The following MAF variants were observed in gnomAD, a reference collection of about 807,000 sequenced individuals.
MAF encodes transcription factor Maf.
A neutral mutation model predicts 22.0 loss-of-function variants in MAF; 10 were observed. That is an observed-to-expected ratio of 0.45 (90% CI 0.28 to 0.77). MAF has a LOEUF of 0.77. MAF is among the 30% of genes least tolerant of loss of function. The probability of loss-of-function intolerance (pLI) is 0.12; values close to 1 mark genes in which losing one functional copy is unlikely to be tolerated. For synonymous variants in MAF, 337 were observed against 255.8 expected (o/e 1.32, Z -3.03); for missense variants, 544 against 548.4 (o/e 0.99, Z 0.08).
chr16:79,290,838 C>G, the MAF span, among the ~76,000 whole-genome samples: 1 of 152,046 alleles, frequency 6.6e-6, no homozygotes, highest in African/African-American at 2.4e-5. Context: ...GAGGCTGGTC[C>G]TCCATGAGAA....
the MAF span, among the ~76,000 whole-genome samples, chr16:79,349,005 A>G: frequency 5.9e-5 from 9 of 152,114 alleles, no homozygotes; most frequent in Non-Finnish European, 8.8e-5. Flanking sequence ...TGGTCCCTCC[A>G]TTGCTCTTCC....
chr16:79,216,891 C>T, the MAF span, among the ~76,000 whole-genome samples: 1 of 151,794 alleles, frequency 6.6e-6, no homozygotes, highest in African/African-American at 2.4e-5. Flanking sequence ...CTCACTGCCA[C>T]AGCCACCTCC....
At chr16:79,369,346 T>C in the MAF span, among the ~76,000 whole-genome samples, 2 of 152,206 alleles carry the variant, frequency 1.3e-5, no homozygotes, top group South Asian at 2.1e-4. Context: ...CCAGTGATTC[T>C]TGGGAGTCAG....
the MAF span, among the ~76,000 whole-genome samples, chr16:79,259,673 G>C: frequency 6.6e-6 from 1 of 152,170 alleles, no homozygotes; most frequent in Non-Finnish European, 1.5e-5. Flanking sequence ...CTTCCCCAGA[G>C]AAGAAAGTGA....
chr16:79,562,787 G>T, the MAF span, among the ~76,000 whole-genome samples: 1 of 152,186 alleles, frequency 6.6e-6, no homozygotes, highest in Non-Finnish European at 1.5e-5. Flanking sequence ...AGTGGAAGAT[G>T]AAGAGGAGAC....
the MAF span, among the ~76,000 whole-genome samples, chr16:79,564,486 C>G: frequency 6.6e-6 from 1 of 152,188 alleles, no homozygotes; most frequent in Non-Finnish European, 1.5e-5. Flanking sequence ...AATAATACAT[C>G]TTTGAGCCTG....
chr16:79,362,652 G>A, the MAF span, among the ~76,000 whole-genome samples: 1 of 152,218 alleles, frequency 6.6e-6, no homozygotes. Context: ...AGACGGGGTA[G>A]TCAAGTTAGA....
rs1913818927 is a variant in MAF at position 79,599,241 on chromosome 16, G to C, written c.662C>G (p.Pro221Arg). The change falls in exon 1 of 2, where the codon CCG (proline) becomes CGG (arginine). Residue 221 changes from proline to arginine, a missense_variant. Around this residue, in one of 5 missense-constraint regions of MAF, gnomAD observed 342 missense variants for 315.5 expected, o/e 1.08. Transcript: ENST00000326043. ...GCCGCCGCCGCCCCCAGCGCTGGCC[G>C]GGCCACCGCCGCCCGCGCCCCCAGC... is the stretch of plus-strand genomic sequence containing the variant. ...GGAGGAGGGGPASAGGGGGGG... is the reference protein window; with the variant it reads ...GGAGGAGGGGRASAGGGGGGG... 2.0e-6 allele frequency: 2 copies of C among 978,172 alleles called. No individual in the cohort carries two copies. Among genetic ancestry groups the C allele is most frequent in the Non-Finnish European group, 2.4e-6 (2 of 827,182 alleles). 60.6% of individuals were successfully genotyped at this position (978,172 alleles called of 1,614,324 possible).
chr16:79,317,913 T>TTCACTCAC, the MAF span, among the ~76,000 whole-genome samples: 183 of 144,556 alleles, frequency 1.3e-3, no homozygotes, highest in East Asian at 4.2e-3. Context: ...CATTCATTCA[T>TTCACTCAC]TCACTCACTC....
chr16:79,279,962 A>G, the MAF span, among the ~76,000 whole-genome samples: 1 of 152,162 alleles, frequency 6.6e-6, no homozygotes, highest in Non-Finnish European at 1.5e-5. Context: ...TTTGTGGGCA[A>G]TGGAAGTGTT....
the MAF span, among the ~76,000 whole-genome samples, chr16:79,426,797 G>A: frequency 4.1e-4 from 62 of 152,222 alleles, 3 homozygotes; most frequent in Non-Finnish European, 2.2e-4. Flanking sequence ...TTTTCCCTCT[G>A]GGTCTGTTAG....
chr16:79,555,679 A>G, the MAF span, among the ~76,000 whole-genome samples: 2 of 152,200 alleles, frequency 1.3e-5, no homozygotes, highest in Admixed American at 6.5e-5. Flanking sequence ...AGCATTTCAG[A>G]TTTCTGATTT....
In MAF at chr16:79,593,906, C is replaced by T. The variant is rs560125072; in HGVS notation, c.*554G>A. On this transcript the variant is annotated 3_prime_UTR_variant, in exon 2 of 2. Transcript: ENST00000326043. Reference sequence around the variant, plus strand: ...TACAGCTATGTCTGACAAATGAGCACGTTTGACATCACTGATAAATGCAAC... The same window carrying T: ...TACAGCTATGTCTGACAAATGAGCATGTTTGACATCACTGATAAATGCAAC... The T allele has an allele frequency of 2.5e-4, 48 of 194,398 alleles. No individual in the cohort carries two copies. In the South Asian group the frequency reaches 8.4e-3, roughly 34 times the overall value. 12.0% of individuals were successfully genotyped at this position (194,398 alleles called of 1,614,324 possible). A position where few individuals can be genotyped will look rare whatever the true frequency, so the allele number is the denominator to read the frequency against.
chr16:79,216,173 G>A, the MAF span, among the ~76,000 whole-genome samples: 5 of 118,282 alleles, frequency 4.2e-5, no homozygotes, highest in Non-Finnish European at 7.9e-5. Flanking sequence ...TGTCGTGCAC[G>A]TGTATATGTA....
At chr16:79,264,816 A>C in the MAF span, among the ~76,000 whole-genome samples, 2 of 152,144 alleles carry the variant, frequency 1.3e-5, no homozygotes, top group East Asian at 1.9e-4. Flanking sequence ...CCATGTCTTC[A>C]AGACAGCGGT....
chr16:79,270,349 G>T, the MAF span, among the ~76,000 whole-genome samples: 2 of 152,136 alleles, frequency 1.3e-5, no homozygotes, highest in African/African-American at 2.4e-5. Context: ...CAAAGTAGTA[G>T]CAAGGCTTGC....
At chr16:79,392,512 A>G in the MAF span, among the ~76,000 whole-genome samples, 1 of 151,816 alleles carries the variant, frequency 6.6e-6, no homozygotes, top group East Asian at 1.9e-4. Flanking sequence ...AGAGAGAGAG[A>G]GAGAGAAACA....
the MAF span, among the ~76,000 whole-genome samples, chr16:79,405,564 C>G: frequency 6.6e-6 from 1 of 152,170 alleles, no homozygotes; most frequent in Non-Finnish European, 1.5e-5. Flanking sequence ...TGGTTTTGAC[C>G]CACACCGTTT....
At chr16:79,340,709 G>C in the MAF span, among the ~76,000 whole-genome samples, 1 of 151,942 alleles carries the variant, frequency 6.6e-6, no homozygotes, top group Non-Finnish European at 1.5e-5. Context: ...AGGGTGGGGA[G>C]CAGCATCCCT....
Sources: gnomAD v4.1 joint callset for allele counts (sites outside exome capture counted in the v4.1 genomes callset) on GRCh38, gnomAD v4.1.1 for gene constraint, gnomAD v4.1.1 regional missense constraint, MANE v1.5 for transcripts, NCBI Gene and HGNC (gene_info 2026-07-23, HGNC 2026-07-21) for gene names.